The following CNTN4 variants were observed in gnomAD, a reference collection of about 807,000 sequenced individuals.
The protein encoded by CNTN4 is contactin 4.
Under a neutral mutation model 122.5 loss-of-function variants are expected in CNTN4, and 77 were observed. The ratio of observed to expected loss-of-function variants is 0.63; its 90% CI spans 0.52 to 0.76. The LOEUF (loss-of-function observed/expected upper bound fraction) is 0.76. Ranked by LOEUF, CNTN4 falls within the 30% of genes least tolerant of loss-of-function variation. The probability of loss-of-function intolerance (pLI) is 0.00; values close to 1 mark genes in which losing one functional copy is unlikely to be tolerated. For synonymous variants in CNTN4, 512 were observed against 447.0 expected, an observed-to-expected ratio of 1.15 and a Z score of -1.83; for missense variants, 1,256 against 1,259.1, an observed-to-expected ratio of 1.00 and a Z score of 0.04.
At chr3:2,793,729 C>T (rs1427366053) in intron 6 of CNTN4, among the ~76,000 whole-genome samples, 1 of 152,132 alleles carries the variant, frequency 6.6e-6, no homozygotes, top group Non-Finnish European at 1.5e-5. Context: ...TTCCATGCTA[C>T]CTAGGAAAAA....
chr3:2,809,261 G>C (rs1053775631), intron 6 of CNTN4, among the ~76,000 whole-genome samples: 2 of 152,216 alleles, frequency 1.3e-5, no homozygotes, highest in Admixed American at 6.5e-5. Flanking sequence ...AGGTAATGCT[G>C]CTCTGAAGAA....
At chr3:2,102,535 C>G (rs1475394880) in intron 2 of CNTN4, among the ~76,000 whole-genome samples, 2 of 152,058 alleles carry the variant, frequency 1.3e-5, no homozygotes, top group East Asian at 3.9e-4. Context: ...GTGTGAAGTC[C>G]CAGAATGGGT....
chr3:2,476,382 G>A (rs2075834815), intron 3 of CNTN4, among the ~76,000 whole-genome samples: 1 of 152,120 alleles, frequency 6.6e-6, no homozygotes, highest in African/African-American at 2.4e-5. Flanking sequence ...TCTGCTCTAG[G>A]GATGCTAATG....
chr3:2,431,466 G>A (rs963384431), intron 3 of CNTN4, among the ~76,000 whole-genome samples: 2 of 152,130 alleles, frequency 1.3e-5, no homozygotes, highest in African/African-American at 4.8e-5. Flanking sequence ...AGGTGCTTTT[G>A]ATACAAACAT....
intron 6 of CNTN4, among the ~76,000 whole-genome samples, chr3:2,806,565 G>T (rs905989527): frequency 6.6e-6 from 1 of 152,198 alleles, no homozygotes; most frequent in Admixed American, 6.5e-5. Context: ...TATCAAATCA[G>T]TGTGGATTTC....
intron 3 of CNTN4, among the ~76,000 whole-genome samples, chr3:2,381,070 A>G (rs1266281635): frequency 1.3e-5 from 2 of 151,734 alleles, no homozygotes; most frequent in African/African-American, 4.8e-5. Flanking sequence ...CAGTGGCACA[A>G]TCTCGGCTCA....
chr3:2,734,257 C>T (rs1235974226), intron 4 of CNTN4, among the ~76,000 whole-genome samples: 1 of 152,014 alleles, frequency 6.6e-6, no homozygotes, highest in Non-Finnish European at 1.5e-5. Flanking sequence ...GATAGGGTCT[C>T]CCTGTGTTGC....
chr3:2,328,872 G>T (rs1187560537), intron 2 of CNTN4, among the ~76,000 whole-genome samples: 2 of 152,076 alleles, frequency 1.3e-5, no homozygotes, highest in Non-Finnish European at 2.9e-5. Flanking sequence ...ATCCCATGTG[G>T]ATACCAAGGG....
intron 2 of CNTN4, among the ~76,000 whole-genome samples, chr3:2,264,704 T>C (rs1440220182): frequency 2.0e-5 from 3 of 152,194 alleles, no homozygotes; most frequent in East Asian, 3.9e-4. Context: ...AAAATCTTTT[T>C]TGAGACCAAT....
chr3:2,804,737 C>CTTTAGTTTTTTTTTTTTTT (rs1553643947), intron 6 of CNTN4, among the ~76,000 whole-genome samples: 6,534 of 144,028 alleles, frequency 0.045, 250 homozygotes, highest in Non-Finnish European at 0.069. Context: ...ATTTTGAGCA[C>CTTTAGTTTTTTTTTTTTTT]TTTTTTTTTG....
chr3:2,576,015 T>A (rs1242975943), intron 4 of CNTN4, among the ~76,000 whole-genome samples: 1 of 151,922 alleles, frequency 6.6e-6, no homozygotes, highest in Non-Finnish European at 1.5e-5. Flanking sequence ...TTTTGTATTT[T>A]TAGTAGAGAC....
intron 2 of CNTN4, among the ~76,000 whole-genome samples, chr3:2,208,756 C>G (rs1486826625): frequency 1.3e-5 from 2 of 152,224 alleles, no homozygotes; most frequent in African/African-American, 4.8e-5. Context: ...TTAGCAAACA[C>G]CACCCTGATT....
intron 16 of CNTN4, among the ~76,000 whole-genome samples, chr3:3,032,075 A>G (rs1310194074): frequency 6.6e-6 from 1 of 152,194 alleles, no homozygotes; most frequent in African/African-American, 2.4e-5. Context: ...AGCAATTCCA[A>G]TGTGTCTGCT....
chr3:2,748,054 A>G (rs926183264), intron 6 of CNTN4, among the ~76,000 whole-genome samples: 2 of 152,148 alleles, frequency 1.3e-5, no homozygotes, highest in Admixed American at 6.5e-5. Context: ...AACACACTCA[A>G]TTATGTTAAT....
At chr3:2,123,842 C>T (rs965699554) in intron 2 of CNTN4, among the ~76,000 whole-genome samples, 1 of 152,188 alleles carries the variant, frequency 6.6e-6, no homozygotes, top group Non-Finnish European at 1.5e-5. Flanking sequence ...TAGCACTGGT[C>T]ATCCTGACTC....
chr3:2,790,145 G>C (rs1412446975), intron 6 of CNTN4, among the ~76,000 whole-genome samples: 1 of 152,198 alleles, frequency 6.6e-6, no homozygotes, highest in Non-Finnish European at 1.5e-5. Flanking sequence ...GTCAAATGAA[G>C]TAATTTATAT....
At chr3:2,216,705 A>G (rs552649520) in intron 2 of CNTN4, among the ~76,000 whole-genome samples, 1 of 152,308 alleles carries the variant, frequency 6.6e-6, no homozygotes, top group South Asian at 2.1e-4. Context: ...AAATGTCCCA[A>G]TAAACTATTT....
intron 3 of CNTN4, among the ~76,000 whole-genome samples, chr3:2,524,384 T>C (rs1327536370): frequency 6.6e-6 from 1 of 152,136 alleles, no homozygotes; most frequent in Non-Finnish European, 1.5e-5. Flanking sequence ...ATCCATTCTT[T>C]AGTTGATGGA....
intron 3 of CNTN4, among the ~76,000 whole-genome samples, chr3:2,547,285 TG>T (rs1251698324): frequency 6.6e-6 from 1 of 151,064 alleles, no homozygotes; most frequent in African/African-American, 2.4e-5. Context: ...TATTTTGAGA[TG>T]GGATCTCATT....
Sources: gnomAD v4.1 joint callset for allele counts (sites outside exome capture counted in the v4.1 genomes callset) on GRCh38, gnomAD v4.1.1 for gene constraint, MANE v1.5 for transcripts, NCBI Gene and HGNC (gene_info 2026-07-23, HGNC 2026-07-21) for gene names.